Variants in NXPE2 observed in about 807,000 individuals in gnomAD.
NXPE2 encodes the protein NXPE family member 2.
In NXPE2, 34 loss-of-function variants were observed where a neutral mutation model predicts 34.4. The observed-to-expected ratio is 0.99, with a 90% confidence interval of 0.75 to 1.31. The LOEUF (loss-of-function observed/expected upper bound fraction) is 1.31. NXPE2 is among the 40% of genes most tolerant of loss of function. The pLI is 0.00. For synonymous variants in NXPE2, 235 were observed against 231.3 expected, an observed-to-expected ratio of 1.02 and a Z score of -0.15; for missense variants, 649 against 672.5, an observed-to-expected ratio of 0.97 and a Z score of 0.39.
Position 114,704,021 on chromosome 11 carries a change from C to A in NXPE2, c.897C>A (p.Asn299Lys). The A allele has an allele frequency of 6.4e-7, 1 of 1,551,968 alleles. No individual in the cohort carries two copies. The change falls in exon 4 of 6, where the codon AAC becomes AAA. Residue 299 changes from asparagine (N) to lysine (K), a missense_variant. By Grantham distance (94) the Asn-to-Lys change is moderately conservative (BLOSUM62 0). Transcript: ENST00000389586. ...ACATAGGAGTTGAAATGATGAAGAA[C>A]TTTACCCCCATTGAGGTCATACCAT... is the stretch of plus-strand genomic sequence containing the variant. ...RSNIGVEMMK[N>K]FTPIEVIPCN...
the NXPE2 span, among the ~76,000 whole-genome samples, chr11:114,658,409 C>G: frequency 7.2e-5 from 11 of 152,166 alleles, no homozygotes; most frequent in African/African-American, 2.7e-4. Flanking sequence ...GAATTTGTTC[C>G]TACCTAGTAC....
chr11:114,639,743 A>G, the NXPE2 span, among the ~76,000 whole-genome samples: 2 of 129,608 alleles, frequency 1.5e-5, no homozygotes, highest in Admixed American at 9.0e-5. Flanking sequence ...ATAAAATAAT[A>G]TATAATATAT....
chr11:114,604,495 T>G, the NXPE2 span, among the ~76,000 whole-genome samples: 3 of 152,150 alleles, frequency 2.0e-5, no homozygotes, highest in African/African-American at 7.2e-5. Flanking sequence ...GGATAATAAG[T>G]GTTGCCTCTT....
the NXPE2 span, among the ~76,000 whole-genome samples, chr11:114,568,956 T>C: frequency 6.6e-6 from 1 of 152,132 alleles, no homozygotes; most frequent in African/African-American, 2.4e-5. Context: ...ACTAGAACAG[T>C]TCCTGGCACA....
At chr11:114,704,133 C>T in intron 4 of NXPE2, 81 bp downstream of exon 4, 2 of 1,031,272 alleles carry the variant, frequency 1.9e-6, no homozygotes, top group East Asian at 2.7e-5. Context: ...ATTTATTCCA[C>T]ATTAACGATT....
the NXPE2 span, among the ~76,000 whole-genome samples, chr11:114,587,696 C>T: frequency 6.6e-6 from 1 of 152,170 alleles, no homozygotes; most frequent in African/African-American, 2.4e-5. Flanking sequence ...CACTGTCTTC[C>T]CCTCCACCCT....
chr11:114,743,143 A>T, the NXPE2 span, among the ~76,000 whole-genome samples: 5 of 152,230 alleles, frequency 3.3e-5, no homozygotes, highest in Non-Finnish European at 5.9e-5. Flanking sequence ...CTATTTAACC[A>T]AACTGTTTTT....
At chr11:114,550,894 T>G in the NXPE2 span, among the ~76,000 whole-genome samples, 2 of 152,080 alleles carry the variant, frequency 1.3e-5, no homozygotes, top group Non-Finnish European at 2.9e-5. Context: ...AAATCCTAAT[T>G]GGAATGGACT....
At chr11:114,601,876 A>T in the NXPE2 span, among the ~76,000 whole-genome samples, 14 of 4,644 alleles carry the variant, frequency 3.0e-3, no homozygotes, top group Non-Finnish European at 3.7e-3. Context: ...TATATATATT[A>T]TATATAATTA....
chr11:114,646,319 C>A, the NXPE2 span, among the ~76,000 whole-genome samples: 1 of 151,362 alleles, frequency 6.6e-6, no homozygotes, highest in Non-Finnish European at 1.5e-5. Flanking sequence ...ATTTATATTA[C>A]AAATAAATAT....
the NXPE2 span, among the ~76,000 whole-genome samples, chr11:114,778,889 G>C: frequency 6.6e-6 from 1 of 152,232 alleles, no homozygotes; most frequent in Admixed American, 6.5e-5. Flanking sequence ...GGATGGAGGA[G>C]GAAGACCTCC....
chr11:114,730,440 T>C, the NXPE2 span, among the ~76,000 whole-genome samples: 4 of 152,166 alleles, frequency 2.6e-5, no homozygotes, highest in Admixed American at 2.0e-4. Context: ...CTGTGAAAAA[T>C]GATGTTGGTA....
upstream of NXPE2, among the ~76,000 whole-genome samples, chr11:114,675,073 GA>G (rs769883679): frequency 1.3e-5 from 2 of 151,488 alleles, no homozygotes; most frequent in African/African-American, 4.8e-5. Context: ...AATAGATAAA[GA>G]AAAAGGATTT....
At chr11:114,571,130 G>A in the NXPE2 span, 4 of 1,613,824 alleles carry the variant, frequency 2.5e-6, no homozygotes, top group Non-Finnish European at 3.4e-6. Flanking sequence ...CTGCATCATT[G>A]TACATCTCCC....
At chr11:114,643,159 C>G in the NXPE2 span, among the ~76,000 whole-genome samples, 1 of 151,994 alleles carries the variant, frequency 6.6e-6, no homozygotes, top group African/African-American at 2.4e-5. Context: ...GATATTAGCC[C>G]TTTGTCAGAT....
the NXPE2 span, among the ~76,000 whole-genome samples, chr11:114,742,833 G>C: frequency 6.6e-6 from 1 of 152,108 alleles, no homozygotes; most frequent in Non-Finnish European, 1.5e-5. Flanking sequence ...GCATAGCTCT[G>C]GGGTAGTGAG....
chr11:114,719,842 G>A, the NXPE2 span, among the ~76,000 whole-genome samples: 2 of 152,176 alleles, frequency 1.3e-5, no homozygotes, highest in Non-Finnish European at 2.9e-5. Context: ...TGAAGACCCT[G>A]TCCTGATTCT....
the NXPE2 span, among the ~76,000 whole-genome samples, chr11:114,765,255 CTT>C: frequency 3.9e-5 from 2 of 51,322 alleles, no homozygotes; most frequent in Non-Finnish European, 1.0e-4. Flanking sequence ...TACAGACATA[CTT>C]TTTTTATGGC....
At chr11:114,558,789 T>G in the NXPE2 span, among the ~76,000 whole-genome samples, 1 of 152,230 alleles carries the variant, frequency 6.6e-6, no homozygotes, top group African/African-American at 2.4e-5. Flanking sequence ...TGTTAGTTTG[T>G]GTTTATCTAT....
Sources: gnomAD v4.1 joint callset for allele counts (sites outside exome capture counted in the v4.1 genomes callset) on GRCh38, gnomAD v4.1.1 for gene constraint, MANE v1.5 for transcripts, NCBI Gene and HGNC (gene_info 2026-07-23, HGNC 2026-07-21) for gene names.